Variants in NBEA observed in about 807,000 individuals in gnomAD.
The protein encoded by NBEA is neurobeachin, also known as lysosomal-trafficking regulator 2.
A neutral mutation model predicts 343.4 loss-of-function variants in NBEA; 44 were observed. The observed-to-expected ratio is 0.13, with a 90% CI of 0.10 to 0.16. NBEA has a LOEUF of 0.16. NBEA is among the 10% of genes least tolerant of loss of function. NBEA has a pLI of 1.00. For synonymous variants in NBEA, 1,175 were observed against 1,238.7 expected (o/e 0.95, Z 1.08); for missense variants, 2,555 against 3,631.3 (o/e 0.70, Z 7.62).
At position 35,550,546 on chromosome 13, in the gene NBEA, C is replaced by T. The variant is rs2079267931; in HGVS notation, c.6655C>T (p.Arg2219Cys). The T allele has an allele frequency of 2.5e-6, 4 of 1,613,246 alleles. No individual in the cohort carries two copies. Among genetic ancestry groups the T allele is most frequent in the Non-Finnish European group, 3.4e-6 (4 of 1,179,422 alleles). The stretch of plus-strand genomic sequence containing the variant: ...CGAGATACGAGCTGTATTTTCAAGA[C>T]GTTACCTTCTACAAAACACTGCTTT... ...FSEIRAVFSR[R>C]YLLQNTALEV... The change falls in exon 42 of 59, where the codon CGT becomes TGT. Residue 2219 changes from arginine (R) to cysteine (C), a missense_variant. Physicochemically the swap from Arg to Cys is radical, Grantham distance 180 (BLOSUM62 -3). This residue lies in a region of NBEA where 246 missense variants were observed against 313.7 expected (regional missense o/e 0.78). Transcript: ENST00000379939.
intron 41 of NBEA, among the ~76,000 whole-genome samples, chr13:35,536,649 T>TAGAC (rs2078563647): frequency 6.6e-6 from 1 of 150,732 alleles, no homozygotes. Context: ...AGATAGATGA[T>TAGAC]AGATAGATAG....
chr13:35,603,436 T>C (rs1049170928), intron 47 of NBEA, among the ~76,000 whole-genome samples: 6 of 152,062 alleles, frequency 3.9e-5, no homozygotes, highest in African/African-American at 1.5e-4. Flanking sequence ...TTCTTGCGCC[T>C]TTGTGAATCT....
At chr13:35,060,958 C>T (rs1254089571) in intron 8 of NBEA, among the ~76,000 whole-genome samples, 1 of 151,586 alleles carries the variant, frequency 6.6e-6, no homozygotes, top group East Asian at 1.9e-4. Context: ...TGTATAATAA[C>T]ATAGTATTTA....
At chr13:35,056,617 T>C (rs1301714748) in intron 7 of NBEA, among the ~76,000 whole-genome samples, 1 of 152,122 alleles carries the variant, frequency 6.6e-6, no homozygotes, top group Non-Finnish European at 1.5e-5. Context: ...GTGGGGAACT[T>C]CTTCTATTCA....
At chr13:35,045,156 T>G in intron 3 of NBEA, 109 bp downstream of exon 3, 1 of 1,233,276 alleles carries the variant, frequency 8.1e-7, no homozygotes. Flanking sequence ...GGAAATTGCT[T>G]TCTTCTTAAA....
chr13:35,581,864 C>T (rs2153036780), intron 45 of NBEA, among the ~76,000 whole-genome samples: 1 of 142,082 alleles, frequency 7.0e-6, no homozygotes, highest in Middle Eastern at 3.6e-3. Context: ...GCACATGTAC[C>T]CTAAAACTTA....
At chr13:35,357,220 G>T (rs2040539109) in intron 38 of NBEA, among the ~76,000 whole-genome samples, 1 of 152,014 alleles carries the variant, frequency 6.6e-6, no homozygotes, top group Non-Finnish European at 1.5e-5. Flanking sequence ...TCAACATTAA[G>T]AGCTCAATTA....
chr13:35,478,363 C>T (rs934105334), intron 41 of NBEA, among the ~76,000 whole-genome samples: 1 of 152,198 alleles, frequency 6.6e-6, no homozygotes, highest in South Asian at 2.1e-4. Context: ...TTGCCGTCAT[C>T]GCGGGTGAAT....
At chr13:35,148,233 G>A (rs551782077) in intron 18 of NBEA, among the ~76,000 whole-genome samples, 1 of 152,142 alleles carries the variant, frequency 6.6e-6, no homozygotes, top group East Asian at 1.9e-4. Flanking sequence ...AGGGGAGTGT[G>A]GGTGTACTCA....
chr13:35,115,860 G>C (rs1230521138), intron 13 of NBEA, among the ~76,000 whole-genome samples: 1 of 152,122 alleles, frequency 6.6e-6, no homozygotes, highest in Non-Finnish European at 1.5e-5. Context: ...ATGACAAGCA[G>C]TATTATTATT....
chr13:35,649,045 A>G (rs1459241676), intron 51 of NBEA, among the ~76,000 whole-genome samples: 1 of 152,178 alleles, frequency 6.6e-6, no homozygotes, highest in Non-Finnish European at 1.5e-5. Context: ...AAGAAGAAGA[A>G]GAAAAAGCAT....
At chr13:35,116,785 AT>A in intron 13 of NBEA, among the ~76,000 whole-genome samples, 1 of 152,020 alleles carries the variant, frequency 6.6e-6, no homozygotes, top group South Asian at 2.1e-4. Flanking sequence ...TTATATTTTC[AT>A]TTTTATTAGT....
At chr13:35,074,903 T>G (rs1593259252) in intron 10 of NBEA, among the ~76,000 whole-genome samples, 1 of 152,142 alleles carries the variant, frequency 6.6e-6, no homozygotes, top group East Asian at 1.9e-4. Flanking sequence ...GTACATTAGA[T>G]GTACTCGTTC....
intron 32 of NBEA, 140 bp downstream of exon 32, chr13:35,208,994 T>G: frequency 1.3e-6 from 1 of 755,820 alleles, no homozygotes; most frequent in South Asian, 2.8e-5. Context: ...TTTTATGTTA[T>G]GACTTTTAGA....
At chr13:35,289,044 G>A (rs2035625204) in intron 34 of NBEA, among the ~76,000 whole-genome samples, 1 of 151,870 alleles carries the variant, frequency 6.6e-6, no homozygotes, top group Non-Finnish European at 1.5e-5. Context: ...CTGTCGGTCT[G>A]TACAATAAGG....
intron 1 of NBEA, among the ~76,000 whole-genome samples, chr13:34,969,193 A>G (rs2059920315): frequency 6.6e-6 from 1 of 151,992 alleles, no homozygotes; most frequent in Non-Finnish European, 1.5e-5. Context: ...TATTCCTCTG[A>G]CTTAATGGGC....
intron 33 of NBEA, among the ~76,000 whole-genome samples, chr13:35,232,287 T>C (rs1019782706): frequency 6.6e-6 from 1 of 152,140 alleles, no homozygotes; most frequent in Non-Finnish European, 1.5e-5. Flanking sequence ...CATAGTATAG[T>C]CATTGCAATT....
chr13:35,000,356 A>C (rs2061085314), intron 1 of NBEA, among the ~76,000 whole-genome samples: 1 of 152,094 alleles, frequency 6.6e-6, no homozygotes, highest in African/African-American at 2.4e-5. Context: ...AGGACAGTAA[A>C]ATAGTAAGCT....
chr13:34,999,832 A>T (rs764821771), intron 1 of NBEA, among the ~76,000 whole-genome samples: 1 of 152,100 alleles, frequency 6.6e-6, no homozygotes, highest in Non-Finnish European at 1.5e-5. Context: ...TCCAGTAAGT[A>T]CAGTGTCTGG....
Sources: gnomAD v4.1 joint callset for allele counts (sites outside exome capture counted in the v4.1 genomes callset) on GRCh38, gnomAD v4.1.1 for gene constraint, gnomAD v4.1.1 regional missense constraint, MANE v1.5 for transcripts, NCBI Gene and HGNC (gene_info 2026-07-23, HGNC 2026-07-21) for gene names.